The following ADGB variants were observed in gnomAD, a reference collection of about 807,000 sequenced individuals.
ADGB encodes the protein calpain-7-like protein.
A neutral mutation model predicts 210.5 loss-of-function variants in ADGB; 172 were observed. The observed-to-expected ratio is 0.82, with a 90% CI of 0.72 to 0.93. ADGB has a LOEUF of 0.93. ADGB is among the 40% of genes least tolerant of loss of function. The probability of loss-of-function intolerance (pLI) is 0.00; values close to 1 mark genes in which losing one functional copy is unlikely to be tolerated. For synonymous variants in ADGB, 658 were observed against 662.7 expected, an observed-to-expected ratio of 0.99 and a Z score of 0.11; for missense variants, 2,025 against 1,964.8, an observed-to-expected ratio of 1.03 and a Z score of -0.58.
intron 20 of ADGB, among the ~76,000 whole-genome samples, chr6:146,731,216 C>T (rs926458696): frequency 6.6e-6 from 1 of 152,136 alleles, no homozygotes; most frequent in Non-Finnish European, 1.5e-5. Context: ...GAGTAATATA[C>T]AAGAAATATT....
intron 35 of ADGB, chr6:146,802,881 C>T: frequency 1.2e-6 from 2 of 1,610,374 alleles, no homozygotes; most frequent in Non-Finnish European, 1.7e-6. Context: ...TTTTCCTGTT[C>T]CCATAATCCA....
intron 7 of ADGB, 135 bp downstream of exon 7, chr6:146,667,037 G>A (rs1775947037): frequency 3.3e-6 from 2 of 597,930 alleles, no homozygotes; most frequent in Non-Finnish European, 2.9e-6. Context: ...TCGTTTTGTA[G>A]TATTATATAA....
Position 146,724,749 on chromosome 6 carries a change from AT to A in ADGB, c.2237+423del, listed in dbSNP as rs1776869921. 2.0e-5 allele frequency: 3 copies of A among 152,240 alleles called. No homozygotes were observed. The South Asian group carries it at 6.2e-4, about 32-fold the overall frequency. The allele number at this position is 152,240 out of a possible 1,614,324, so 9.4% of individuals were successfully genotyped here. On this transcript the variant is annotated intron_variant, in intron 18 of 35. Coordinates refer to ENST00000397944, the MANE Select transcript of ADGB (RefSeq NM_024694.4). ...ATTTTATTTAAATGCAAATTGAGAAATATGCATTTTCCCCTACCAATCTAGA... is the reference window on the plus strand; with the variant it reads ...ATTTTATTTAAATGCAAATTGAGAAAATGCATTTTCCCCTACCAATCTAGA...
At chr6:146,653,199 C>T (rs1228119671) in intron 3 of ADGB, among the ~76,000 whole-genome samples, 2 of 151,954 alleles carry the variant, frequency 1.3e-5, no homozygotes, top group South Asian at 4.2e-4. Flanking sequence ...CAGATGGGAC[C>T]ATCTAGTTGC....
intron 29 of ADGB, among the ~76,000 whole-genome samples, chr6:146,778,319 AAAG>A (rs1286170855): frequency 6.6e-6 from 1 of 152,142 alleles, no homozygotes; most frequent in Non-Finnish European, 1.5e-5. Flanking sequence ...AGGAGACTGA[AAAG>A]AAGCAGCACT....
chr6:146,696,196 C>T (rs1466578695), intron 12 of ADGB, among the ~76,000 whole-genome samples: 1 of 152,032 alleles, frequency 6.6e-6, no homozygotes, highest in African/African-American at 2.4e-5. Context: ...CTGCATCAGC[C>T]TCCCAAGTAG....
At chr6:146,726,274 T>G in intron 19 of ADGB, 77 bp downstream of exon 19, 2 of 985,530 alleles carry the variant, frequency 2.0e-6, no homozygotes, top group Non-Finnish European at 3.0e-6. Flanking sequence ...AGGGCTGGAG[T>G]GCAGTGGCAT....
intron 13 of ADGB, among the ~76,000 whole-genome samples, chr6:146,704,143 A>G (rs1776534185): frequency 6.6e-6 from 1 of 151,632 alleles, no homozygotes; most frequent in African/African-American, 2.4e-5. Context: ...TTCTTCGCTC[A>G]TTTTTCAATT....
chr6:146,800,200 A>C (rs1314750041), intron 33 of ADGB, among the ~76,000 whole-genome samples: 1 of 152,228 alleles, frequency 6.6e-6, no homozygotes. Flanking sequence ...TTGGTCATAA[A>C]GTTAAAAATA....
At chr6:146,720,059 T>C (rs1776791697) in intron 16 of ADGB, among the ~76,000 whole-genome samples, 1 of 136,856 alleles carries the variant, frequency 7.3e-6, no homozygotes, top group Non-Finnish European at 1.5e-5. Context: ...TATATTAACT[T>C]TTTTTTAATA....
intron 12 of ADGB, among the ~76,000 whole-genome samples, chr6:146,693,943 A>G (rs1170834746): frequency 6.6e-6 from 1 of 152,078 alleles, no homozygotes; most frequent in Non-Finnish European, 1.5e-5. Flanking sequence ...GGCCTTTACT[A>G]TCCATATTTC....
chr6:146,648,637 C>T (rs749359084), intron 3 of ADGB, among the ~76,000 whole-genome samples: 1 of 151,988 alleles, frequency 6.6e-6, no homozygotes, highest in Non-Finnish European at 1.5e-5. Context: ...AAGAAATCTG[C>T]CCCCATGATC....
chr6:146,803,781 C>G (rs927712696), intron 35 of ADGB: 3 of 592,674 alleles, frequency 5.1e-6, no homozygotes, highest in Non-Finnish European at 8.7e-6. Context: ...AATCAGCGCC[C>G]GGCAGCCTAG....
rs1336941193 is a variant in ADGB, at chr6:146,749,515, T to A, written c.3366-3015T>A. 2.6e-5 allele frequency among the ~76,000 whole-genome samples: 4 copies of A among 151,986 alleles called. No individual in the cohort carries two copies. In the East Asian group the frequency reaches 7.7e-4, roughly 29 times the overall value. On this transcript the variant is annotated intron_variant, in intron 26 of 35. Coordinates refer to ENST00000397944, the MANE Select transcript of ADGB (RefSeq NM_024694.4). ...GAAGAGTTTTTAAAGGAGGAGGAAA[T>A]CAGGGTCCAGTCAACACTGTCAAGT...
intron 12 of ADGB, among the ~76,000 whole-genome samples, chr6:146,693,163 C>T (rs970581052): frequency 6.6e-6 from 1 of 152,134 alleles, no homozygotes; most frequent in African/African-American, 2.4e-5. Context: ...TGTTTGTATG[C>T]CCACCAAATT....
At chr6:146,746,158 TA>T (rs1369816582) in intron 26 of ADGB, 49 bp downstream of exon 26, 16 of 1,284,346 alleles carry the variant, frequency 1.2e-5, no homozygotes, top group Non-Finnish European at 1.7e-5. Flanking sequence ...AAAATATTAA[TA>T]TTTTAGGATA....
chr6:146,674,711 A>C (rs368961241), intron 8 of ADGB, among the ~76,000 whole-genome samples: 4 of 152,302 alleles, frequency 2.6e-5, no homozygotes, highest in East Asian at 1.9e-4. Context: ...TGGGAGGATT[A>C]TCTCCAGTGG....
intron 2 of ADGB, among the ~76,000 whole-genome samples, chr6:146,638,518 A>T (rs2114862137): frequency 7.2e-6 from 1 of 139,364 alleles, no homozygotes; most frequent in African/African-American, 2.7e-5. Context: ...AAAACCAAAC[A>T]CCACATGTTC....
intron 27 of ADGB, among the ~76,000 whole-genome samples, chr6:146,757,119 C>T (rs925853729): frequency 3.3e-5 from 5 of 152,000 alleles, no homozygotes; most frequent in African/African-American, 1.2e-4. Flanking sequence ...TTATATGTTG[C>T]ATCATTTACA....
Sources: allele counts gnomAD v4.1 joint callset (sites outside exome capture counted in the v4.1 genomes callset), GRCh38; gene constraint gnomAD v4.1.1; transcripts MANE v1.5; gene names NCBI Gene and HGNC (gene_info 2026-07-23, HGNC 2026-07-21).